Variants in IFI16 observed in about 807,000 individuals in gnomAD.
The protein encoded by IFI16 is gamma-interferon-inducible protein 16.
A neutral mutation model predicts 68.4 loss-of-function variants in IFI16; 49 were observed. The observed-to-expected ratio is 0.72, with a 90% CI of 0.57 to 0.91. The LOEUF (loss-of-function observed/expected upper bound fraction) is 0.91. IFI16 is among the 40% of genes least tolerant of loss of function. The probability of loss-of-function intolerance (pLI) is 0.00; values close to 1 mark genes in which losing one functional copy is unlikely to be tolerated. For synonymous variants in IFI16, 307 were observed against 315.0 expected, an observed-to-expected ratio of 0.97 and a Z score of 0.27; for missense variants, 878 against 942.9, an observed-to-expected ratio of 0.93 and a Z score of 0.90.
chr1:159,050,686 C>CGAA (rs1397033908), intron 9 of IFI16, among the ~76,000 whole-genome samples: 2 of 152,114 alleles, frequency 1.3e-5, no homozygotes, highest in African/African-American at 4.8e-5. Flanking sequence ...AGCAGCCCCT[C>CGAA]CAAGTCAAAG....
chr1:159,011,171 G>A (rs539074611), intron 1 of IFI16, among the ~76,000 whole-genome samples: 1 of 152,166 alleles, frequency 6.6e-6, no homozygotes, highest in East Asian at 1.9e-4. Context: ...ATCACTTGAC[G>A]TCAGGAGTTC....
intron 6 of IFI16, among the ~76,000 whole-genome samples, chr1:159,024,906 C>T (rs1653554866): frequency 6.6e-6 from 1 of 152,006 alleles, no homozygotes; most frequent in African/African-American, 2.4e-5. Context: ...TTTCTTGACT[C>T]AAATATGATG....
At chr1:159,034,411 T>C (rs183228915) in intron 7 of IFI16, among the ~76,000 whole-genome samples, 1 of 152,174 alleles carries the variant, frequency 6.6e-6, no homozygotes, top group Non-Finnish European at 1.5e-5. Context: ...TTGATCCAGG[T>C]GTAGAGAGAG....
chr1:159,052,602 G>A (rs1655432459), intron 10 of IFI16: 1 of 153,052 alleles, frequency 6.5e-6, no homozygotes, highest in Non-Finnish European at 1.5e-5. Flanking sequence ...CTGATCATTT[G>A]GACTCCAAAG....
chr1:159,042,021 T>C (rs1164161604), intron 7 of IFI16, among the ~76,000 whole-genome samples: 4 of 152,234 alleles, frequency 2.6e-5, no homozygotes, highest in African/African-American at 7.2e-5. Context: ...TCTGTAGCCA[T>C]AGGAGTTATT....
chr1:159,018,218 A>T lies in IFI16; in HGVS notation c.550-11A>T. On this transcript the variant is annotated splice_polypyrimidine_tract_variant and intron_variant, in intron 4 of 11. Coordinates refer to ENST00000295809, the MANE Select transcript of IFI16 (RefSeq NM_001376587.1). ...ACATTTTTCTTTGTTCTCCTGTGCT[A>T]TCATACACAGAACCCGAAAACAGTG... The T allele has an allele frequency of 6.2e-7, 1 of 1,610,628 alleles. No individual in the cohort carries two copies. The highest frequency in any genetic ancestry group is 8.5e-7 in the Non-Finnish European group (1 of 1,177,704).
intron 6 of IFI16, among the ~76,000 whole-genome samples, chr1:159,024,943 C>T (rs973638522): frequency 2.0e-5 from 3 of 151,736 alleles, no homozygotes; most frequent in Non-Finnish European, 4.4e-5. Context: ...GCTGTGCGGA[C>T]GGCGGTCTCA....
At chr1:159,003,501 T>C (rs915354197), upstream of IFI16, among the ~76,000 whole-genome samples, 1 of 152,106 alleles carries the variant, frequency 6.6e-6, no homozygotes, top group African/African-American at 2.4e-5. Flanking sequence ...TCTGTTTTGC[T>C]CTTTTGTGAT....
chr1:159,027,489 G>C (rs942378154), intron 6 of IFI16, among the ~76,000 whole-genome samples: 1 of 151,908 alleles, frequency 6.6e-6, no homozygotes, highest in Non-Finnish European at 1.5e-5. Context: ...TAGTTTTTTT[G>C]TTGTTGTTGT....
intron 7 of IFI16, among the ~76,000 whole-genome samples, chr1:159,040,291 A>G (rs1654547201): frequency 6.6e-6 from 1 of 152,230 alleles, no homozygotes; most frequent in Non-Finnish European, 1.5e-5. Context: ...GAAACTAATA[A>G]AACTAAATAT....
chr1:159,034,621 T>C (rs951380606), intron 7 of IFI16, among the ~76,000 whole-genome samples: 1 of 152,198 alleles, frequency 6.6e-6, no homozygotes, highest in Non-Finnish European at 1.5e-5. Flanking sequence ...CAGTCTCTTC[T>C]TGAACCCAAC....
intron 6 of IFI16, among the ~76,000 whole-genome samples, chr1:159,031,176 C>A (rs1277438567): frequency 6.7e-6 from 1 of 149,808 alleles, no homozygotes; most frequent in Non-Finnish European, 1.5e-5. Context: ...AGTCTCACTC[C>A]CACCATCACC....
In IFI16 at chr1:159,032,621, C is replaced by T. The variant is rs201665818; in HGVS notation, c.1259C>T (p.Thr420Ile). The T allele has an allele frequency of 8.7e-6, 14 of 1,613,268 alleles. No individual in the cohort carries two copies. The highest frequency in any genetic ancestry group is 1.0e-5 in the Non-Finnish European group (12 of 1,179,586). The part of the protein sequence containing the change: ...QLPYPSEAST[T>I]FPESHLRTPQ... ...CCATATCCTTCAGAGGCCAGCACAA[C>T]CTTCCCTGAGAGCCATCTTCGGACT... The change falls in exon 7 of 12, where the codon ACC becomes ATC. Residue 420 changes from threonine (T) to isoleucine (I), a missense_variant. Coordinates refer to ENST00000295809, the MANE Select transcript of IFI16 (RefSeq NM_001376587.1).
intron 10 of IFI16, 37 bp from the exon 11 acceptor site, chr1:159,053,496 C>G: frequency 7.1e-7 from 1 of 1,406,480 alleles, no homozygotes; most frequent in South Asian, 1.2e-5. Context: ...AATTATTGAT[C>G]CAGTTTCAGA....
Position 159,024,298 on chromosome 1 carries a change from A to G in IFI16, c.1161+3769A>G, listed in dbSNP as rs145259126. 3.4e-3 allele frequency among the ~76,000 whole-genome samples: 520 copies of G among 152,234 alleles called. 2 individuals carry two copies. The highest frequency in any genetic ancestry group is 0.011 in the African/African-American group (458 of 41,538). ...TGAAGAAGGGGAAGATGGGGGAATA[A>G]TGCGTGTTTTAAAAACACCTAGGGG... On this transcript the variant is annotated intron_variant, in intron 6 of 11. Coordinates refer to ENST00000295809, the MANE Select transcript of IFI16 (RefSeq NM_001376587.1).
intron 6 of IFI16, among the ~76,000 whole-genome samples, chr1:159,029,301 A>T (rs762239277): frequency 4.6e-5 from 7 of 152,216 alleles, no homozygotes; most frequent in African/African-American, 1.7e-4. Flanking sequence ...TTGTTTAAGG[A>T]GGCTAAAGAT....
intron 6 of IFI16, among the ~76,000 whole-genome samples, chr1:159,024,288 TG>T (rs1287520969): frequency 2.0e-5 from 3 of 152,122 alleles, no homozygotes; most frequent in Admixed American, 2.0e-4. Flanking sequence ...AAGGGGAAGA[TG>T]GGGGAATAAT....
intron 7 of IFI16, among the ~76,000 whole-genome samples, chr1:159,034,971 T>C (rs1162607263): frequency 6.6e-6 from 1 of 152,112 alleles, no homozygotes; most frequent in Non-Finnish European, 1.5e-5. Context: ...GCACTGAGGG[T>C]TCGGAAGCCT....
At chr1:159,035,989 C>T (rs1246608265) in intron 7 of IFI16, among the ~76,000 whole-genome samples, 1 of 152,172 alleles carries the variant, frequency 6.6e-6, no homozygotes, top group Non-Finnish European at 1.5e-5. Flanking sequence ...GAATAAGTGG[C>T]AGAAATGAAT....
Sources: gnomAD v4.1 joint callset for allele counts (sites outside exome capture counted in the v4.1 genomes callset) on GRCh38, gnomAD v4.1.1 for gene constraint, MANE v1.5 for transcripts, NCBI Gene and HGNC (gene_info 2026-07-23, HGNC 2026-07-21) for gene names.